The following ALDH16A1 variants were observed in gnomAD, a reference collection of about 807,000 sequenced individuals.
The protein encoded by ALDH16A1 is aldehyde dehydrogenase 16 family member A1.
ALDH16A1 carries 88 observed loss-of-function variants against 96.1 expected under a neutral mutation model. That is an observed-to-expected ratio of 0.92 (90% CI 0.77 to 1.09). The LOEUF is 1.09. ALDH16A1 is among the 50% of genes least tolerant of loss of function. ALDH16A1 has a pLI of 0.00. For missense variants in ALDH16A1, 1,250 were observed against 1,112.6 expected (o/e 1.12, Z -1.76); for synonymous variants, 522 against 496.4 (o/e 1.05, Z -0.69).
At position 49,464,740 on chromosome 19, in the gene ALDH16A1, G is replaced by T. The variant is rs761847775; in HGVS notation, c.1546G>T (p.Ala516Ser). 22 of 1,613,976 alleles carry T rather than the reference G, an allele frequency of 1.4e-5. No individual in the cohort carries two copies. Among genetic ancestry groups the T allele is most frequent in the Non-Finnish European group, 1.6e-5 (19 of 1,180,026 alleles). Reference sequence around the variant, plus strand: ...CCTCGCTGTTCCCTCAACCCTGCCGGCTGGGCCTGAAATAGGGCCCAGGTG... The same window carrying T: ...CCTCGCTGTTCCCTCAACCCTGCCGTCTGGGCCTGAAATAGGGCCCAGGTG... ...FGLAVPSTLP[A>S]GPEIGPSPAP... The change falls in exon 12 of 17, where the codon GCT (alanine) becomes TCT (serine). Residue 516 changes from alanine to serine, a missense_variant. Ala to Ser is a moderately conservative substitution (Grantham distance 99, BLOSUM62 1). Coordinates refer to ENST00000293350, the MANE Select transcript of ALDH16A1 (RefSeq NM_153329.4).
chr19:49,456,774 C>T (rs550749063), intron 1 of ALDH16A1, among the ~76,000 whole-genome samples: 5 of 152,270 alleles, frequency 3.3e-5, no homozygotes, highest in Admixed American at 6.5e-5. Flanking sequence ...TCCCTGTGGG[C>T]GTTTGAGTTT....
Position 49,464,754 on chromosome 19 carries a change from A to G in ALDH16A1, c.1560A>G (p.Ile520Met), listed in dbSNP as rs1415088010. The G allele has an allele frequency of 6.2e-7, 1 of 1,613,978 alleles. No homozygotes were observed. Among genetic ancestry groups the G allele is most frequent in the East Asian group, 2.2e-5 (1 of 44,868 alleles). ...CAACCCTGCCGGCTGGGCCTGAAAT[A>G]GGGCCCAGGTGAGTCGTTGGGGGCC... The part of the protein sequence containing the change: ...VPSTLPAGPE[I>M]GPSPAPPYGL... Residue 520 changes from isoleucine (I) to methionine (M), a missense_variant, in exon 12 of 17, where the codon ATA (isoleucine) becomes ATG (methionine). Transcript: ENST00000293350.
Position 49,469,000 on chromosome 19 carries a change from T to C in ALDH16A1, c.2247+14T>C, listed in dbSNP as rs1052471423. 1.3e-6 allele frequency: 2 copies of C among 1,597,200 alleles called. No homozygotes were observed. The highest frequency in any genetic ancestry group is 1.7e-6 in the Non-Finnish European group (2 of 1,168,338). On this transcript the variant is annotated intron_variant, in intron 16 of 16. Coordinates refer to ENST00000293350, the MANE Select transcript of ALDH16A1 (RefSeq NM_153329.4). The surrounding 1 kb of genome is among the most constrained non-coding windows in gnomAD (Gnocchi z 4.4). ...GGATCAGCCCAGGTGCTCTTTGTTC[T>C]GTTTTGCCATCTTCAGCATCTCAAA...
intron 1 of ALDH16A1, 171 bp downstream of exon 1, chr19:49,453,592 C>T (rs934758015): frequency 9.9e-6 from 6 of 605,872 alleles, no homozygotes; most frequent in African/African-American, 7.4e-5. Context: ...TCCCTTGAGC[C>T]TTGGCGGTGG....
chr19:49,466,552 G>C (rs141066258), intron 14 of ALDH16A1, among the ~76,000 whole-genome samples: 1 of 152,118 alleles, frequency 6.6e-6, no homozygotes, highest in East Asian at 1.9e-4. Context: ...GCTGTTAGGC[G>C]GTTCTCACAT....
At chr19:49,453,541 G>C in intron 1 of ALDH16A1, 120 bp downstream of exon 1, 1 of 961,638 alleles carries the variant, frequency 1.0e-6, no homozygotes, top group Non-Finnish European at 1.5e-6. Flanking sequence ...CTTAGTCCCC[G>C]TGATTCCCGC....
In ALDH16A1 at chr19:49,468,699, C is replaced by T; in HGVS notation, c.2124+133C>T. On this transcript the variant is annotated intron_variant, in intron 15 of 16. Coordinates refer to ENST00000293350, the MANE Select transcript of ALDH16A1 (RefSeq NM_153329.4). This position sits in a 1 kb window ranked among gnomAD's most constrained non-coding sequence, Gnocchi z 4.4. ...CCATGCTGCCCCCAGCCCCAGCACC[C>T]AAACCTTCACTCCTTGGGGACCCAG... 7.3e-7 allele frequency: 1 copy of T among 1,366,800 alleles called. No homozygotes were observed. The highest frequency in any genetic ancestry group is 1.3e-5 in the South Asian group (1 of 74,420). 84.7% of individuals were successfully genotyped at this position (1,366,800 alleles called of 1,614,324 possible). A position where few individuals can be genotyped will look rare whatever the true frequency, so the allele number is the denominator to read the frequency against.
rs758480482 is a variant in ALDH16A1 at position 49,470,423 on chromosome 19, C to G, written c.2365C>G (p.Arg789Gly). 2.5e-6 allele frequency: 4 copies of G among 1,606,276 alleles called. No homozygotes were observed. The South Asian group carries it at 3.3e-5, about 13-fold the overall frequency. ...GGGGGCAGGCCCAGAGCTGGGGCTG[C>G]GAGTGGCGCGGACCAAGGCCCTGTG... ...AEGAGPELGLRVARTKALWLP... is the reference protein window; with the variant it reads ...AEGAGPELGLGVARTKALWLP... Residue 789 changes from arginine to glycine, a missense_variant, in exon 17 of 17, where the codon CGA becomes GGA. Physicochemically the swap from Arg to Gly is moderately radical, Grantham distance 125 (BLOSUM62 -2). Transcript: ENST00000293350.
In ALDH16A1 at chr19:49,453,486, G is replaced by C. The variant is rs997822128; in HGVS notation, c.90+65G>C. The stretch of plus-strand genomic sequence containing the variant: ...CAGGCCTGGGCGCCCGGTTTTTCGC[G>C]GGGAGTCCCGTCATCCACTGCGGTA... On this transcript the variant is annotated intron_variant, in intron 1 of 16. Transcript: ENST00000293350. The C allele has an allele frequency of 3.5e-6, 5 of 1,419,778 alleles. No homozygotes were observed. In the East Asian group the frequency reaches 1.3e-4, roughly 36 times the overall value. The allele number at this position is 1,419,778 out of a possible 1,614,324, so 87.9% of individuals were successfully genotyped here. A position where few individuals can be genotyped will look rare whatever the true frequency, so the allele number is the denominator to read the frequency against.
At chr19:49,467,448 G>A (rs2079208125) in intron 14 of ALDH16A1, among the ~76,000 whole-genome samples, 1 of 148,844 alleles carries the variant, frequency 6.7e-6, no homozygotes, top group African/African-American at 2.5e-5. Context: ...AGGCTGGAGT[G>A]CAGTGGCGCA....
chr19:49,466,207 A>G lies in ALDH16A1; in HGVS notation c.1862A>G (p.Glu621Gly). The G allele has an allele frequency of 1.3e-6, 2 of 1,534,908 alleles. No homozygotes were observed. The highest frequency in any genetic ancestry group is 1.4e-5 in the African/African-American group (1 of 73,084). Reference protein sequence around the residue: ...ERQGAELKAAEAEVELSARRL... With the variant: ...ERQGAELKAAGAEVELSARRL... The stretch of plus-strand genomic sequence containing the variant: ...CAGGGAGCGGAGCTCAAGGCTGCGG[A>G]GGCGGAGGTGGAGCTGAGCGCAAGA... The change falls in exon 14 of 17, where the codon GAG becomes GGG. Residue 621 changes from glutamate (E) to glycine (G), a missense_variant. Transcript: ENST00000293350.
At chr19:49,467,758 T>TA (rs1008779458) in intron 14 of ALDH16A1, among the ~76,000 whole-genome samples, 11 of 152,150 alleles carry the variant, frequency 7.2e-5, no homozygotes, top group Admixed American at 2.6e-4. Flanking sequence ...GCAGGCTTGT[T>TA]ACATAGGGAT....
In ALDH16A1 at chr19:49,459,231, T is replaced by C; in HGVS notation, c.320+145T>C. The C allele has an allele frequency of 7.7e-7, 1 of 1,306,350 alleles. No homozygotes were observed. The highest frequency in any genetic ancestry group is 1.0e-6 in the Non-Finnish European group (1 of 971,956). 80.9% of individuals were successfully genotyped at this position (1,306,350 alleles called of 1,614,324 possible). ...TCCCAGTATGTGCTGGAGGCAGTCG[T>C]GGCTGAAACATGCATCCGTTGTCCA... On this transcript the variant is annotated intron_variant, in intron 3 of 16. Coordinates refer to ENST00000293350, the MANE Select transcript of ALDH16A1 (RefSeq NM_153329.4). The surrounding 1 kb of genome is among the most constrained non-coding windows in gnomAD (Gnocchi z 4.1).
Position 49,468,868 on chromosome 19 carries a change from T to C in ALDH16A1, c.2129T>C (p.Met710Thr), listed in dbSNP as rs772133341. ...TTCACTCTCTCTATCCCCTAGGACATGGCCACCGTGTTCCCAGCAGGCCTG... is the reference window on the plus strand; with the variant it reads ...TTCACTCTCTCTATCCCCTAGGACACGGCCACCGTGTTCCCAGCAGGCCTG... Reference protein sequence around the residue: ...PLLALEVCQDMATVFPAGLAN... With the variant: ...PLLALEVCQDTATVFPAGLAN... Residue 710 changes from methionine (M) to threonine (T), a missense_variant, in exon 16 of 17, where the codon ATG becomes ACG. Transcript: ENST00000293350. This position sits in a 1 kb window ranked among gnomAD's most constrained non-coding sequence, Gnocchi z 4.4. The C allele has an allele frequency of 3.7e-5, 59 of 1,612,540 alleles. No individual in the cohort carries two copies. Among genetic ancestry groups the C allele is most frequent in the Non-Finnish European group, 4.7e-5 (55 of 1,179,494 alleles).
Position 49,470,603 on chromosome 19 carries a change from G to A in ALDH16A1, c.*136G>A, listed in dbSNP as rs2079237775. 18 of 968,434 alleles carry A rather than the reference G, an allele frequency of 1.9e-5. No individual in the cohort carries two copies. The highest frequency in any genetic ancestry group is 5.9e-5 in the South Asian group (2 of 33,768). The allele number at this position is 968,434 out of a possible 1,614,324, so 60.0% of individuals were successfully genotyped here. ...TGACCAACCCTAGCTGTGCTTCTGC[G>A]AGAAGAAAGGGTGTAGCAACTTCTG... On this transcript the variant is annotated 3_prime_UTR_variant, in exon 17 of 17. Coordinates refer to ENST00000293350, the MANE Select transcript of ALDH16A1 (RefSeq NM_153329.4).
chr19:49,467,691 G>A (rs2079210502), intron 14 of ALDH16A1, among the ~76,000 whole-genome samples: 1 of 151,546 alleles, frequency 6.6e-6, no homozygotes, highest in Non-Finnish European at 1.5e-5. Flanking sequence ...ACTACACCCG[G>A]CCTTCTTTTT....
chr19:49,460,447 C>A (rs2079132301), intron 4 of ALDH16A1, among the ~76,000 whole-genome samples: 1 of 147,290 alleles, frequency 6.8e-6, no homozygotes, highest in Non-Finnish European at 1.5e-5. Flanking sequence ...GAGTTTCGCT[C>A]TTTGTTGCCC....
At position 49,468,742 on chromosome 19, in the gene ALDH16A1, AGGCCTGG is replaced by A; in HGVS notation, c.2125-118_2125-112del. ...GGACCCAGTGCCCATTCTTCACCCT[AGGCCTGG>A]GGCTTTCTCCTCCATGACCCCCCAT... On this transcript the variant is annotated intron_variant, in intron 15 of 16. Coordinates refer to ENST00000293350, the MANE Select transcript of ALDH16A1 (RefSeq NM_153329.4). This position sits in a 1 kb window ranked among gnomAD's most constrained non-coding sequence, Gnocchi z 4.4. 2 of 1,390,278 alleles carry A rather than the reference AGGCCTGG, an allele frequency of 1.4e-6. No individual in the cohort carries two copies. Among genetic ancestry groups the A allele is most frequent in the East Asian group, 2.3e-5 (1 of 43,288 alleles). 86.1% of individuals were successfully genotyped at this position (1,390,278 alleles called of 1,614,324 possible). A position where few individuals can be genotyped will look rare whatever the true frequency, so the allele number is the denominator to read the frequency against.
rs1460595757 is a variant in ALDH16A1, at chr19:49,459,888, C to T, written c.499+40C>T. On this transcript the variant is annotated intron_variant, in intron 4 of 16. Coordinates refer to ENST00000293350, the MANE Select transcript of ALDH16A1 (RefSeq NM_153329.4). The surrounding 1 kb of genome is among the most constrained non-coding windows in gnomAD (Gnocchi z 4.1). ...TCCCTAGCCCTATCCTCCCACATGA[C>T]TCAGCAGTGCTAGCTCCAGTCCCCT... is the stretch of plus-strand genomic sequence containing the variant. 1.9e-6 allele frequency: 3 copies of T among 1,581,406 alleles called. No homozygotes were observed. Among genetic ancestry groups the T allele is most frequent in the Admixed American group, 1.9e-5 (1 of 52,478 alleles).
Sources: gnomAD v4.1 joint callset for allele counts (sites outside exome capture counted in the v4.1 genomes callset) on GRCh38, gnomAD v4.1.1 for gene constraint, Gnocchi (gnomAD v3.1) non-coding constraint, MANE v1.5 for transcripts, NCBI Gene and HGNC (gene_info 2026-07-23, HGNC 2026-07-21) for gene names.